CMTM7: variants seen among roughly 807,000 people sequenced by gnomAD.
CMTM7 encodes the protein CKLF-like MARVEL transmembrane domain-containing protein 7.
In CMTM7, 7 loss-of-function variants were observed where a neutral mutation model predicts 19.3. That is an observed-to-expected ratio of 0.36 (90% CI 0.21 to 0.68). The LOEUF is 0.68. Among genes scored for constraint, CMTM7 ranks in the 30% least tolerant of loss-of-function variants. CMTM7 has a pLI of 0.60. For synonymous variants in CMTM7, 87 were observed against 99.3 expected (o/e 0.88, Z 0.74); for missense variants, 193 against 232.6 (o/e 0.83, Z 1.11).
In CMTM7 at chr3:32,454,759, T is replaced by A. The variant is rs1007731450; in HGVS notation, c.*505T>A. ...TGGTCAGCCTGTCCCCAAGGAGATC[T>A]TGTGTCTCCTCTCCATCTCTGCCTT... On this transcript the variant is annotated 3_prime_UTR_variant, in exon 5 of 5. Transcript: ENST00000334983. The A allele has an allele frequency of 3.5e-6, 1 of 285,782 alleles. No homozygotes were observed. Among genetic ancestry groups the A allele is most frequent in the African/African-American group, 2.2e-5 (1 of 45,406 alleles). 17.7% of individuals were successfully genotyped at this position (285,782 alleles called of 1,614,324 possible).
At chr3:32,418,552 G>A (rs1696299745) in intron 1 of CMTM7, among the ~76,000 whole-genome samples, 2 of 152,138 alleles carry the variant, frequency 1.3e-5, no homozygotes, top group African/African-American at 4.8e-5. Flanking sequence ...TTAGGTCTGT[G>A]ATCCGTTTTG....
intron 1 of CMTM7, among the ~76,000 whole-genome samples, chr3:32,406,163 T>C (rs1433277016): frequency 6.6e-6 from 1 of 152,222 alleles, no homozygotes; most frequent in Non-Finnish European, 1.5e-5. Flanking sequence ...TCCATATCCA[T>C]TCAGAAGGTG....
At chr3:32,394,700 T>TTTTC (rs1299430703) in intron 1 of CMTM7, among the ~76,000 whole-genome samples, 3 of 152,146 alleles carry the variant, frequency 2.0e-5, no homozygotes, top group Non-Finnish European at 2.9e-5. Context: ...GCACTCTTTT[T>TTTTC]TTTCTTTCTT....
chr3:32,412,124 A>G (rs1696186574), intron 1 of CMTM7, among the ~76,000 whole-genome samples: 1 of 152,180 alleles, frequency 6.6e-6, no homozygotes, highest in Non-Finnish European at 1.5e-5. Context: ...CACCATAGCT[A>G]ACTGTCTCGT....
chr3:32,404,109 G>A (rs1161883811), intron 1 of CMTM7, among the ~76,000 whole-genome samples: 1 of 149,764 alleles, frequency 6.7e-6, no homozygotes, highest in African/African-American at 2.5e-5. Flanking sequence ...GATTTTACAT[G>A]CAATTTCCCT....
chr3:32,452,156 G>A (rs1478697128), intron 3 of CMTM7: 8 of 1,498,726 alleles, frequency 5.3e-6, no homozygotes, highest in Non-Finnish European at 5.3e-6. Context: ...AGACCGAGAG[G>A]CCTGGCTGCC....
chr3:32,393,456 G>A (rs1695869920), intron 1 of CMTM7, among the ~76,000 whole-genome samples: 1 of 152,120 alleles, frequency 6.6e-6, no homozygotes, highest in African/African-American at 2.4e-5. Flanking sequence ...CCTGAGCATT[G>A]GAAGGGATGA....
chr3:32,453,589 G>A (rs1359368443), intron 4 of CMTM7, among the ~76,000 whole-genome samples: 1 of 152,142 alleles, frequency 6.6e-6, no homozygotes, highest in African/African-American at 2.4e-5. Flanking sequence ...CTGAGCCCAT[G>A]TAGTGTAGGA....
At chr3:32,423,584 G>T (rs1262964280) in intron 1 of CMTM7, among the ~76,000 whole-genome samples, 1 of 152,194 alleles carries the variant, frequency 6.6e-6, no homozygotes, top group Non-Finnish European at 1.5e-5. Flanking sequence ...CTGAAGCAGA[G>T]CGTGGAGCCC....
At chr3:32,436,605 C>A (rs1367637038) in intron 1 of CMTM7, among the ~76,000 whole-genome samples, 1 of 152,180 alleles carries the variant, frequency 6.6e-6, no homozygotes, top group African/African-American at 2.4e-5. Flanking sequence ...TCAGTTACTT[C>A]TCCTGCTCCT....
intron 1 of CMTM7, among the ~76,000 whole-genome samples, chr3:32,434,864 CG>C (rs1696573315): frequency 6.6e-6 from 1 of 151,970 alleles, no homozygotes; most frequent in African/African-American, 2.4e-5. Context: ...AGGCCAAGAA[CG>C]TGAAAAGGCA....
At chr3:32,418,330 A>G (rs971162299) in intron 1 of CMTM7, among the ~76,000 whole-genome samples, 1 of 152,200 alleles carries the variant, frequency 6.6e-6, no homozygotes, top group Non-Finnish European at 1.5e-5. Flanking sequence ...AATGGGATTT[A>G]CAAAATGTTT....
In CMTM7 at chr3:32,412,493, AC is replaced by A. The variant is rs1375704675; in HGVS notation, c.159+20429del. On this transcript the variant is annotated intron_variant, in intron 1 of 4. Transcript: ENST00000334983. ...CAGATTGAGACTGACACACACACAC[AC>A]ACACACACACACACACACACACACA... 2.4e-3 allele frequency among the ~76,000 whole-genome samples: 49 copies of A among 20,244 alleles called. 1 individual carries two copies. Among genetic ancestry groups the A allele is most frequent in the African/African-American group, 5.3e-3 (49 of 9,174 alleles). The allele number at this position is 20,244 out of a possible 152,430, so 13.3% of individuals were successfully genotyped here. A position where few individuals can be genotyped will look rare whatever the true frequency, so the allele number is the denominator to read the frequency against.
Position 32,441,989 on chromosome 3 carries a change from C to T in CMTM7, c.309C>T (p.Leu103=), listed in dbSNP as rs1455954588. 1.9e-6 allele frequency: 3 copies of T among 1,614,200 alleles called. No individual in the cohort carries two copies. Among genetic ancestry groups the T allele is most frequent in the South Asian group, 2.2e-5 (2 of 91,088 alleles). The change falls in exon 2 of 5, where the codon CTC becomes CTT. Residue 103 remains leucine (L), a synonymous_variant. Coordinates refer to ENST00000334983, the MANE Select transcript of CMTM7 (RefSeq NM_138410.4). ...LVHLFRFYRV[L]TCISWPLSEL... is the part of the protein sequence containing the mutation. ...ACCTCTTCCGCTTCTACCGCGTGCT[C>T]ACCTGTATCAGCTGGCCCCTGTCGG...
intron 1 of CMTM7, among the ~76,000 whole-genome samples, chr3:32,429,418 C>T (rs1051309546): frequency 2.0e-5 from 3 of 151,794 alleles, no homozygotes; most frequent in South Asian, 2.1e-4. Flanking sequence ...CTCAGCCTCC[C>T]GAGTAGCTGG....
At chr3:32,436,127 G>A (rs892356367) in intron 1 of CMTM7, among the ~76,000 whole-genome samples, 1 of 152,192 alleles carries the variant, frequency 6.6e-6, no homozygotes, top group Non-Finnish European at 1.5e-5. Flanking sequence ...ATATTTCCTA[G>A]ATTATTCTCC....
rs753749333 is a variant in CMTM7 at position 32,454,435 on chromosome 3, G to A, written c.*181G>A. On this transcript the variant is annotated 3_prime_UTR_variant, in exon 5 of 5. Transcript: ENST00000334983. ...AGCTCCCTGAGCTCCTGAGCCAGCCGGAAACTCTTCCTCCAGCCTTCCGGG... is the reference window on the plus strand; with the variant it reads ...AGCTCCCTGAGCTCCTGAGCCAGCCAGAAACTCTTCCTCCAGCCTTCCGGG... The A allele has an allele frequency of 1.7e-5, 13 of 750,660 alleles. No individual in the cohort carries two copies. Among genetic ancestry groups the A allele is most frequent in the East Asian group, 8.0e-5 (3 of 37,436 alleles). The allele number at this position is 750,660 out of a possible 1,614,324, so 46.5% of individuals were successfully genotyped here.
intron 1 of CMTM7, among the ~76,000 whole-genome samples, chr3:32,406,595 C>CT (rs1352612254): frequency 6.6e-5 from 10 of 152,272 alleles, no homozygotes; most frequent in African/African-American, 2.2e-4. Flanking sequence ...CCAGCGGAGT[C>CT]TAAGTAGGGA....
chr3:32,433,431 C>G (rs907127266), intron 1 of CMTM7, among the ~76,000 whole-genome samples: 5 of 152,188 alleles, frequency 3.3e-5, no homozygotes, highest in Non-Finnish European at 7.3e-5. Flanking sequence ...CTGGCCCCAT[C>G]ACGAGCCAAG....
Sources: allele counts gnomAD v4.1 joint callset (sites outside exome capture counted in the v4.1 genomes callset), GRCh38; gene constraint gnomAD v4.1.1; transcripts MANE v1.5; gene names NCBI Gene and HGNC (gene_info 2026-07-23, HGNC 2026-07-21).